Variants in BCKDHB observed in about 807,000 individuals in gnomAD.
BCKDHB encodes the protein 2-oxoisovalerate dehydrogenase subunit beta, mitochondrial.
A neutral mutation model predicts 48.5 loss-of-function variants in BCKDHB; 41 were observed. The ratio of observed to expected loss-of-function variants is 0.85; its 90% CI spans 0.66 to 1.10. The LOEUF (loss-of-function observed/expected upper bound fraction) is 1.10. Ranked by LOEUF, BCKDHB falls within the 50% of genes least tolerant of loss-of-function variation. The pLI, the probability that BCKDHB is intolerant of heterozygous loss-of-function variation, is 0.00. For synonymous variants in BCKDHB, 201 were observed against 174.8 expected (o/e 1.15, Z -1.18); for missense variants, 496 against 494.2 (o/e 1.00, Z -0.03).
the BCKDHB span, among the ~76,000 whole-genome samples, chr6:80,407,995 G>C: frequency 6.6e-6 from 1 of 151,878 alleles, no homozygotes; most frequent in Non-Finnish European, 1.5e-5. Context: ...TGGGTTTCTC[G>C]TAAGTAGCTC....
chr6:80,165,333 C>T (rs1772517381), intron 3 of BCKDHB, among the ~76,000 whole-genome samples: 1 of 152,138 alleles, frequency 6.6e-6, no homozygotes, highest in African/African-American at 2.4e-5. Flanking sequence ...GTCACAATTT[C>T]AGAAGATAGT....
chr6:80,257,786 T>C (rs2127945779), intron 8 of BCKDHB, among the ~76,000 whole-genome samples: 1 of 152,148 alleles, frequency 6.6e-6, no homozygotes, highest in African/African-American at 2.4e-5. Context: ...GGCTGGAGCC[T>C]AGAGTTGTTG....
intron 6 of BCKDHB, among the ~76,000 whole-genome samples, chr6:80,188,632 C>G (rs1043902243): frequency 3.3e-5 from 5 of 151,730 alleles, no homozygotes; most frequent in African/African-American, 1.2e-4. Context: ...AGGGTGACAC[C>G]CTGTCTTAAA....
At chr6:80,374,021 C>T in the BCKDHB span, 7 of 637,220 alleles carry the variant, frequency 1.1e-5, no homozygotes, top group African/African-American at 1.8e-5. Context: ...GAATTTACTC[C>T]CATGCCATAA....
chr6:80,265,556 G>A (rs1777477230), intron 8 of BCKDHB, among the ~76,000 whole-genome samples: 1 of 152,072 alleles, frequency 6.6e-6, no homozygotes, highest in Admixed American at 6.6e-5. Context: ...AAGAGGGAAT[G>A]AGGAGTTATT....
At chr6:80,464,231 G>A in the BCKDHB span, among the ~76,000 whole-genome samples, 1 of 152,062 alleles carries the variant, frequency 6.6e-6, no homozygotes, top group Non-Finnish European at 1.5e-5. Flanking sequence ...GGGTTCAAGT[G>A]ATTCTCCTGC....
At chr6:80,414,010 G>T in the BCKDHB span, among the ~76,000 whole-genome samples, 1 of 152,046 alleles carries the variant, frequency 6.6e-6, no homozygotes, top group Non-Finnish European at 1.5e-5. Flanking sequence ...ATGTGAGATG[G>T]TATCTCGTTG....
chr6:80,157,657 T>A (rs954296325), intron 3 of BCKDHB, among the ~76,000 whole-genome samples: 6 of 150,878 alleles, frequency 4.0e-5, no homozygotes, highest in African/African-American at 4.9e-5. Flanking sequence ...TTTTTTTTTT[T>A]AAATAGAGAC....
chr6:80,436,911 G>A, the BCKDHB span, among the ~76,000 whole-genome samples: 1 of 152,052 alleles, frequency 6.6e-6, no homozygotes, highest in African/African-American at 2.4e-5. Flanking sequence ...GAATGCTTTG[G>A]GAGAACAGAA....
the BCKDHB span, among the ~76,000 whole-genome samples, chr6:80,396,101 G>A: frequency 1.3e-5 from 2 of 152,230 alleles, no homozygotes; most frequent in Non-Finnish European, 2.9e-5. Flanking sequence ...GATGGGAAAT[G>A]TGTGGTTGGA....
rs187524525 is a variant in BCKDHB, at chr6:80,295,758, A to T, written c.1038+22537A>T. On this transcript the variant is annotated intron_variant, in intron 9 of 9. Coordinates refer to ENST00000320393, the MANE Select transcript of BCKDHB (RefSeq NM_183050.4). ...TACGCTCCAAATTTTGTTCAGGGGA[A>T]CTCCTCTTTATAAAACCATCAGATC... 3.9e-5 allele frequency among the ~76,000 whole-genome samples: 6 copies of T among 152,096 alleles called. No homozygotes were observed. The East Asian group carries it at 1.2e-3, about 29-fold the overall frequency.
intron 8 of BCKDHB, among the ~76,000 whole-genome samples, chr6:80,259,915 A>G (rs1777222323): frequency 1.3e-5 from 2 of 151,906 alleles, no homozygotes; most frequent in Admixed American, 6.6e-5. Flanking sequence ...AATATCCACA[A>G]CTCCAACCCC....
At chr6:80,320,942 A>G (rs923762816) in intron 9 of BCKDHB, among the ~76,000 whole-genome samples, 2 of 152,176 alleles carry the variant, frequency 1.3e-5, no homozygotes, top group African/African-American at 4.8e-5. Flanking sequence ...TAAAAATGAG[A>G]TATTTTCTTG....
intron 2 of BCKDHB, among the ~76,000 whole-genome samples, chr6:80,128,492 A>G (rs1046944468): frequency 3.9e-5 from 6 of 152,092 alleles, no homozygotes; most frequent in South Asian, 2.1e-4. Context: ...GCTCCTGCCA[A>G]TTTCCACCTA....
At chr6:80,246,176 T>G (rs2127924817) in intron 8 of BCKDHB, among the ~76,000 whole-genome samples, 1 of 152,322 alleles carries the variant, frequency 6.6e-6, no homozygotes, top group East Asian at 1.9e-4. Context: ...TTTATGATTC[T>G]CTAACCTGTG....
chr6:80,200,136 C>CGTA (rs963640768), intron 6 of BCKDHB, among the ~76,000 whole-genome samples: 7 of 150,082 alleles, frequency 4.7e-5, no homozygotes, highest in Non-Finnish European at 8.9e-5. Context: ...TTATCAACTT[C>CGTA]GTACTCAATT....
chr6:80,179,019 T>C (rs1277733454), intron 6 of BCKDHB, among the ~76,000 whole-genome samples: 1 of 152,184 alleles, frequency 6.6e-6, no homozygotes, highest in Non-Finnish European at 1.5e-5. Context: ...ATAATTAAAA[T>C]GATCTTATTT....
At chr6:80,120,778 G>T (rs992210680) in intron 1 of BCKDHB, among the ~76,000 whole-genome samples, 18 of 152,080 alleles carry the variant, frequency 1.2e-4, no homozygotes, top group African/African-American at 4.3e-4. Flanking sequence ...TGTCAGATGG[G>T]TAGATTGCGA....
the BCKDHB span, among the ~76,000 whole-genome samples, chr6:80,367,694 C>T: frequency 6.6e-5 from 10 of 152,234 alleles, no homozygotes; most frequent in Non-Finnish European, 1.5e-4. Context: ...GCTTATCAGC[C>T]TTCCCCTGCA....
Sources: gnomAD v4.1 joint callset for allele counts (sites outside exome capture counted in the v4.1 genomes callset) on GRCh38, gnomAD v4.1.1 for gene constraint, MANE v1.5 for transcripts, NCBI Gene and HGNC (gene_info 2026-07-23, HGNC 2026-07-21) for gene names.